RASSF8: variants seen among roughly 807,000 people sequenced by gnomAD.
RASSF8 encodes ras association domain-containing protein 8.
RASSF8 carries 22 observed loss-of-function variants against 48.5 expected under a neutral mutation model. The observed-to-expected ratio is 0.45, with a 90% confidence interval of 0.32 to 0.65. RASSF8 has a LOEUF of 0.65. Ranked by LOEUF, RASSF8 falls within the 30% of genes least tolerant of loss-of-function variation. RASSF8 has a pLI of 0.03. For synonymous variants in RASSF8, 127 were observed against 171.5 expected (o/e 0.74, Z 2.03); for missense variants, 418 against 489.2 (o/e 0.85, Z 1.37).
chr12:26,067,197 T>A (rs1244360699), intron 4 of RASSF8, among the ~76,000 whole-genome samples: 1 of 151,756 alleles, frequency 6.6e-6, no homozygotes, highest in African/African-American at 2.4e-5. Context: ...ACCTGTGGGG[T>A]TTTTTCTTTT....
intron 2 of RASSF8, among the ~76,000 whole-genome samples, chr12:25,999,342 A>G (rs573575359): frequency 3.9e-5 from 6 of 152,376 alleles, no homozygotes; most frequent in Non-Finnish European, 7.3e-5. Context: ...GGAAGTATCT[A>G]TAATTTTGTA....
chr12:26,009,769 T>G (rs1057472447), intron 2 of RASSF8, among the ~76,000 whole-genome samples: 18 of 152,140 alleles, frequency 1.2e-4, no homozygotes, highest in African/African-American at 4.3e-4. Flanking sequence ...TGAAGGTGAT[T>G]GGTGACCTCG....
intron 1 of RASSF8, among the ~76,000 whole-genome samples, chr12:25,971,902 T>A (rs1941494800): frequency 6.6e-6 from 1 of 152,170 alleles, no homozygotes; most frequent in African/African-American, 2.4e-5. Context: ...GAAGTCCAGA[T>A]TGGTTTAGTA....
chr12:26,042,553 G>C (rs888445571), intron 2 of RASSF8, among the ~76,000 whole-genome samples: 2 of 152,038 alleles, frequency 1.3e-5, no homozygotes, highest in African/African-American at 4.8e-5. Context: ...GGGAGTAAAA[G>C]GCTTTGCTTA....
At chr12:26,051,362 G>C (rs1943486403) in intron 2 of RASSF8, among the ~76,000 whole-genome samples, 1 of 152,178 alleles carries the variant, frequency 6.6e-6, no homozygotes, top group Non-Finnish European at 1.5e-5. Flanking sequence ...AATAGTAGAA[G>C]AAAGAGCATG....
At chr12:26,057,970 G>T (rs1003927030) in intron 3 of RASSF8, among the ~76,000 whole-genome samples, 2 of 152,182 alleles carry the variant, frequency 1.3e-5, no homozygotes, top group African/African-American at 4.8e-5. Context: ...CTTTTATGGG[G>T]TTGTTTGCAT....
chr12:25,969,955 G>A (rs183775547), intron 1 of RASSF8, among the ~76,000 whole-genome samples: 5 of 152,166 alleles, frequency 3.3e-5, no homozygotes, highest in East Asian at 3.9e-4. Flanking sequence ...CTCACCTCCC[G>A]TCTCTGCTCG....
intron 2 of RASSF8, among the ~76,000 whole-genome samples, chr12:26,043,122 A>G (rs1290947406): frequency 6.6e-6 from 1 of 152,198 alleles, no homozygotes; most frequent in Non-Finnish European, 1.5e-5. Flanking sequence ...AGGTAATAGG[A>G]CAATCAGAGG....
intron 1 of RASSF8, among the ~76,000 whole-genome samples, chr12:25,980,908 G>C (rs972638531): frequency 1.3e-5 from 2 of 152,060 alleles, no homozygotes; most frequent in Non-Finnish European, 2.9e-5. Flanking sequence ...ACATATTTTG[G>C]GGGATTGAGG....
chr12:26,000,041 TTC>T (rs1451874355), intron 2 of RASSF8, among the ~76,000 whole-genome samples: 1 of 152,210 alleles, frequency 6.6e-6, no homozygotes, highest in African/African-American at 2.4e-5. Context: ...TCTCAGGAAT[TTC>T]TCATAGATCA....
At chr12:26,031,187 AT>A (rs918344524) in intron 2 of RASSF8, among the ~76,000 whole-genome samples, 19 of 150,392 alleles carry the variant, frequency 1.3e-4, no homozygotes, top group Admixed American at 2.0e-4. Flanking sequence ...CCCCTGCCCC[AT>A]TTTTTTTTGA....
chr12:26,058,536 G>GCGCGCA (rs1555169626), intron 3 of RASSF8, among the ~76,000 whole-genome samples: 61 of 83,462 alleles, frequency 7.3e-4, no homozygotes, highest in South Asian at 2.0e-3. Context: ...GCACGCGCGC[G>GCGCGCA]CGCACACACA....
Position 26,071,485 on chromosome 12 carries a change from T to A in RASSF8, c.*2667T>A, listed in dbSNP as rs1317711053. On this transcript the variant is annotated 3_prime_UTR_variant, in exon 6 of 6. Transcript: ENST00000689635. ...AATACATTTAAAGATCTTTTTATCT[T>A]ACCAAGAAATAATTTGGAATAGCAT... The A allele has an allele frequency of 5.2e-6, 5 of 957,730 alleles. No homozygotes were observed. Among genetic ancestry groups the A allele is most frequent in the African/African-American group, 1.8e-5 (1 of 56,578 alleles). The allele number at this position is 957,730 out of a possible 1,614,324, so 59.3% of individuals were successfully genotyped here. A position where few individuals can be genotyped will look rare whatever the true frequency, so the allele number is the denominator to read the frequency against.
Position 25,997,543 on chromosome 12 carries a change from AC to A in RASSF8, c.-109+2415del, listed in dbSNP as rs1377943278. 5.3e-5 allele frequency among the ~76,000 whole-genome samples: 8 copies of A among 152,098 alleles called. No individual in the cohort carries two copies. In the South Asian group the frequency reaches 1.7e-3, roughly 31 times the overall value. ...AATGGAATTATTTTTATATGCTTATACCTGTTTTTACGGGTTTACATAGGGG... is the reference window on the plus strand; with the variant it reads ...AATGGAATTATTTTTATATGCTTATACTGTTTTTACGGGTTTACATAGGGG... On this transcript the variant is annotated intron_variant, in intron 2 of 5. Coordinates refer to ENST00000689635, the MANE Select transcript of RASSF8 (RefSeq NM_001394098.1).
chr12:26,042,005 T>C (rs939003326), intron 2 of RASSF8, among the ~76,000 whole-genome samples: 1 of 152,252 alleles, frequency 6.6e-6, no homozygotes, highest in South Asian at 2.1e-4. Context: ...TGCTGATGAT[T>C]GTAAATGTTT....
In RASSF8 at chr12:26,072,040, C is replaced by G. The variant is rs1944010204; in HGVS notation, c.*3222C>G. 1 of 985,210 alleles carries G rather than the reference C, an allele frequency of 1.0e-6. No individual in the cohort carries two copies. 61.0% of individuals were successfully genotyped at this position (985,210 alleles called of 1,614,324 possible). On this transcript the variant is annotated 3_prime_UTR_variant, in exon 6 of 6. Coordinates refer to ENST00000689635, the MANE Select transcript of RASSF8 (RefSeq NM_001394098.1). ...ACTGTAATGGATTGAGGAAATAACA[C>G]AGAAAAGACAAAAACTTTTGATTTC...
At chr12:26,019,243 A>T (rs990987251) in intron 2 of RASSF8, among the ~76,000 whole-genome samples, 2 of 152,170 alleles carry the variant, frequency 1.3e-5, no homozygotes, top group Non-Finnish European at 2.9e-5. Context: ...CTCATGAGTG[A>T]GTTTAGGAAT....
intron 1 of RASSF8, among the ~76,000 whole-genome samples, chr12:25,964,312 A>G (rs1048349706): frequency 8.0e-5 from 12 of 150,656 alleles, no homozygotes; most frequent in African/African-American, 2.9e-4. Flanking sequence ...TTTAAATCAC[A>G]TTCAGATATA....
intron 3 of RASSF8, among the ~76,000 whole-genome samples, chr12:26,058,443 A>G (rs114525116): frequency 1.8e-3 from 273 of 152,350 alleles, no homozygotes; most frequent in African/African-American, 6.4e-3. Context: ...GTGGCTGTCA[A>G]GAATGTATAG....
Sources: allele counts gnomAD v4.1 joint callset (sites outside exome capture counted in the v4.1 genomes callset), GRCh38; gene constraint gnomAD v4.1.1; transcripts MANE v1.5; gene names NCBI Gene and HGNC (gene_info 2026-07-23, HGNC 2026-07-21).